FHIT: variants seen among roughly 807,000 people sequenced by gnomAD.
FHIT encodes fragile histidine triad diadenosine triphosphatase, also known as bis(5'-adenosyl)-triphosphatase.
A neutral mutation model predicts 17.9 loss-of-function variants in FHIT; 19 were observed. That is an observed-to-expected ratio of 1.06 (90% CI 0.74 to 1.56). The LOEUF (loss-of-function observed/expected upper bound fraction) is 1.56. FHIT is among the 40% of genes most tolerant of loss of function. The pLI, the probability that FHIT is intolerant of heterozygous loss-of-function variation, is 0.00. For synonymous variants in FHIT, 81 were observed against 69.7 expected (o/e 1.16, Z -0.81); for missense variants, 248 against 189.2 (o/e 1.31, Z -1.82).
At chr3:60,930,202 T>C (rs549419772) in intron 3 of FHIT, among the ~76,000 whole-genome samples, 18 of 152,142 alleles carry the variant, frequency 1.2e-4, no homozygotes, top group African/African-American at 4.1e-4. Context: ...TTATACCTTA[T>C]ACAAAAATTA....
intron 3 of FHIT, among the ~76,000 whole-genome samples, chr3:60,857,915 A>G (rs952711564): frequency 1.3e-5 from 2 of 152,206 alleles, no homozygotes; most frequent in Non-Finnish European, 2.9e-5. Context: ...GCTTTTTAAG[A>G]TTCCATCTCT....
rs142780928 is a variant in FHIT at position 61,014,302 on chromosome 3, G to A, written c.-111+27745C>T. ...ATGTATTTCTTCTCTCCTTTCCTTT[G>A]TCTCTGGCAAGCATCACTATTTGCT... On this transcript the variant is annotated intron_variant, in intron 3 of 9. Coordinates refer to ENST00000492590, the MANE Select transcript of FHIT (RefSeq NM_002012.4). Among the ~76,000 whole-genome samples the A allele has an allele frequency of 4.7e-4, 71 of 152,070 alleles. 1 individual carries two copies. Among genetic ancestry groups the A allele is most frequent in the African/African-American group, 1.4e-3 (59 of 41,442 alleles).
chr3:60,577,702 T>C lies in FHIT; in HGVS notation c.-17-40723A>G, dbSNP rs74548380. 3.8e-3 allele frequency among the ~76,000 whole-genome samples: 579 copies of C among 152,240 alleles called. 7 individuals carry two copies. The highest frequency in any genetic ancestry group is 0.013 in the African/African-American group (559 of 41,582). On this transcript the variant is annotated intron_variant, in intron 4 of 9. Transcript: ENST00000492590. ...CTGAAATTTGGTTGGAAGTCTTTTT[T>C]ATTTCTATTAAATGAATATATACAA...
intron 8 of FHIT, among the ~76,000 whole-genome samples, chr3:59,820,991 A>C (rs978042507): frequency 6.6e-6 from 1 of 152,198 alleles, no homozygotes; most frequent in Non-Finnish European, 1.5e-5. Flanking sequence ...TGGGAAGGTG[A>C]GTAAGATTCG....
At chr3:60,918,425 CA>C (rs1325936517) in intron 3 of FHIT, among the ~76,000 whole-genome samples, 3 of 152,096 alleles carry the variant, frequency 2.0e-5, no homozygotes, top group Admixed American at 6.5e-5. Flanking sequence ...AGTTTAGAGA[CA>C]AAAACTTGCA....
chr3:59,752,395 G>A, intron 8 of FHIT, 74 bp from the exon 9 acceptor site: 2 of 1,190,470 alleles, frequency 1.7e-6, no homozygotes, highest in East Asian at 2.5e-5. Flanking sequence ...CGGGGGGCTG[G>A]GGGAGACTGA....
At chr3:60,187,311 G>C (rs1220713262) in intron 5 of FHIT, among the ~76,000 whole-genome samples, 1 of 152,142 alleles carries the variant, frequency 6.6e-6, no homozygotes, top group East Asian at 1.9e-4. Flanking sequence ...GACAAATGAA[G>C]TTACCACACG....
At chr3:60,150,154 C>T (rs1023553412) in intron 5 of FHIT, among the ~76,000 whole-genome samples, 1 of 149,342 alleles carries the variant, frequency 6.7e-6, no homozygotes, top group Non-Finnish European at 1.5e-5. Flanking sequence ...GCGCCCCCCA[C>T]GCCCGGCTCA....
chr3:61,202,464 T>C (rs2039054655), intron 1 of FHIT, among the ~76,000 whole-genome samples: 1 of 49,636 alleles, frequency 2.0e-5, no homozygotes, highest in Non-Finnish European at 4.1e-5. Context: ...TCTTTTCTGT[T>C]CTTCCCCAAG....
At chr3:60,595,305 A>G (rs1004858478) in intron 4 of FHIT, among the ~76,000 whole-genome samples, 2 of 151,952 alleles carry the variant, frequency 1.3e-5, no homozygotes, top group Non-Finnish European at 2.9e-5. Context: ...AGGAGAAATT[A>G]GGGGAAAGCG....
chr3:61,128,070 C>T (rs2036661422), intron 2 of FHIT, among the ~76,000 whole-genome samples: 2 of 152,132 alleles, frequency 1.3e-5, no homozygotes, highest in Non-Finnish European at 2.9e-5. Flanking sequence ...ATTTATTGAA[C>T]ACTTTCTACA....
At chr3:60,216,228 G>A (rs1382226468) in intron 5 of FHIT, among the ~76,000 whole-genome samples, 1 of 152,142 alleles carries the variant, frequency 6.6e-6, no homozygotes, top group Non-Finnish European at 1.5e-5. Flanking sequence ...AATTTATATA[G>A]AAACTGTGAC....
chr3:60,923,666 C>T (rs1445274582), intron 3 of FHIT, among the ~76,000 whole-genome samples: 4 of 152,150 alleles, frequency 2.6e-5, no homozygotes, highest in Non-Finnish European at 5.9e-5. Context: ...GCATTTCCAA[C>T]TGAGGTACCA....
chr3:60,106,598 A>T (rs1256231353), intron 5 of FHIT, among the ~76,000 whole-genome samples: 2 of 152,130 alleles, frequency 1.3e-5, no homozygotes, highest in African/African-American at 4.8e-5. Flanking sequence ...TCCCCTGTGG[A>T]TAAGGGGGTA....
intron 4 of FHIT, among the ~76,000 whole-genome samples, chr3:60,698,870 A>G (rs1387125112): frequency 6.6e-6 from 1 of 152,220 alleles, no homozygotes; most frequent in East Asian, 1.9e-4. Flanking sequence ...AAAAATACAG[A>G]AATATAAAAA....
rs548247186 is a variant in FHIT at position 61,105,252 on chromosome 3, T to C, written c.-163-63153A>G. Among the ~76,000 whole-genome samples the C allele has an allele frequency of 3.9e-5, 6 of 152,232 alleles. No individual in the cohort carries two copies. In the East Asian group the frequency reaches 9.7e-4, roughly 25 times the overall value. The stretch of plus-strand genomic sequence containing the variant: ...ACCTTTGGATGCTTTTTTTTTCTTT[T>C]AACCTCTTTGATGACCTTGAGGGTT... On this transcript the variant is annotated intron_variant, in intron 2 of 9. Transcript: ENST00000492590.
intron 2 of FHIT, among the ~76,000 whole-genome samples, chr3:61,101,955 C>G (rs925774265): frequency 2.6e-5 from 4 of 152,164 alleles, no homozygotes; most frequent in African/African-American, 9.7e-5. Flanking sequence ...AGATTTTGAG[C>G]TGAGACAATG....
chr3:60,951,110 T>C (rs529636519), intron 3 of FHIT, among the ~76,000 whole-genome samples: 2 of 152,306 alleles, frequency 1.3e-5, no homozygotes, highest in Admixed American at 1.3e-4. Context: ...CTGTTTTTGT[T>C]TTTTGCTTAT....
intron 4 of FHIT, among the ~76,000 whole-genome samples, chr3:60,545,933 A>T (rs2036345442): frequency 6.6e-6 from 1 of 152,212 alleles, no homozygotes; most frequent in Non-Finnish European, 1.5e-5. Context: ...TTGCTAAATC[A>T]ATGTCTAACG....
Sources: allele counts gnomAD v4.1 joint callset (sites outside exome capture counted in the v4.1 genomes callset), GRCh38; gene constraint gnomAD v4.1.1; transcripts MANE v1.5; gene names NCBI Gene and HGNC (gene_info 2026-07-23, HGNC 2026-07-21).